Variants in SPATA17 observed in about 807,000 individuals in gnomAD.
SPATA17 encodes the protein spermatogenesis associated 17.
In SPATA17, 53 loss-of-function variants were observed where a neutral mutation model predicts 62.2. The ratio of observed to expected loss-of-function variants is 0.85; its 90% CI spans 0.68 to 1.07. The LOEUF is 1.07. Among genes scored for constraint, SPATA17 ranks in the 50% least tolerant of loss-of-function variants. The probability of loss-of-function intolerance (pLI) is 0.00; values close to 1 mark genes in which losing one functional copy is unlikely to be tolerated. For synonymous variants in SPATA17, 146 were observed against 146.8 expected, an observed-to-expected ratio of 0.99 and a Z score of 0.04; for missense variants, 466 against 425.5, an observed-to-expected ratio of 1.10 and a Z score of -0.84.
At chr1:217,824,348 A>T (rs938683740) in intron 9 of SPATA17, among the ~76,000 whole-genome samples, 13 of 151,796 alleles carry the variant, frequency 8.6e-5, no homozygotes, top group Non-Finnish European at 1.9e-4. Flanking sequence ...TGTATACTAT[A>T]TATACTTAAA....
At chr1:217,816,624 A>T (rs573865599) in intron 9 of SPATA17, among the ~76,000 whole-genome samples, 35 of 152,096 alleles carry the variant, frequency 2.3e-4, no homozygotes, top group African/African-American at 8.4e-4. Flanking sequence ...ATACATACAC[A>T]CAATTGTAAC....
At chr1:217,795,979 G>A (rs753241910) in intron 8 of SPATA17, among the ~76,000 whole-genome samples, 1 of 151,784 alleles carries the variant, frequency 6.6e-6, no homozygotes, top group African/African-American at 2.4e-5. Context: ...TGTATTTTTT[G>A]TAGAGATGGG....
chr1:217,851,639 T>C (rs555853761), intron 9 of SPATA17, among the ~76,000 whole-genome samples: 21 of 152,272 alleles, frequency 1.4e-4, no homozygotes, highest in African/African-American at 4.8e-4. Context: ...TAAAATGGTG[T>C]TGTTAGCAGA....
intron 6 of SPATA17, among the ~76,000 whole-genome samples, chr1:217,749,568 C>T (rs949004975): frequency 1.3e-5 from 2 of 152,128 alleles, no homozygotes; most frequent in Admixed American, 6.5e-5. Flanking sequence ...TCTGTTTTTG[C>T]TATCGTCTTT....
Position 217,774,317 on chromosome 1 carries a change from G to C in SPATA17, c.520-17G>C. ...GAAAATTAAAGAAAAAATCAAAATT[G>C]CTTTCTTCTTCTTTAGATTCCAGGA... On this transcript the variant is annotated splice_polypyrimidine_tract_variant and intron_variant, in intron 6 of 10. Transcript: ENST00000366933. 6.3e-7 allele frequency: 1 copy of C among 1,593,024 alleles called. No homozygotes were observed. The highest frequency in any genetic ancestry group is 8.6e-7 in the Non-Finnish European group (1 of 1,169,046).
At chr1:217,772,090 C>T (rs1458811852) in intron 6 of SPATA17, among the ~76,000 whole-genome samples, 2 of 151,906 alleles carry the variant, frequency 1.3e-5, no homozygotes, top group Non-Finnish European at 2.9e-5. Flanking sequence ...CACTTTATGT[C>T]ACAATAGTCT....
chr1:217,678,103 C>G (rs891662141), intron 4 of SPATA17, among the ~76,000 whole-genome samples: 1 of 151,526 alleles, frequency 6.6e-6, no homozygotes. Flanking sequence ...TTATGAATAA[C>G]TGAGTTCTAC....
intron 1 of SPATA17, among the ~76,000 whole-genome samples, chr1:217,645,476 T>C (rs903095171): frequency 2.6e-5 from 4 of 152,112 alleles, no homozygotes; most frequent in African/African-American, 9.7e-5. Flanking sequence ...AGCCAGTTGA[T>C]TGTTGGTGGG....
At chr1:217,668,575 T>A (rs1226976124) in intron 3 of SPATA17, among the ~76,000 whole-genome samples, 1 of 152,174 alleles carries the variant, frequency 6.6e-6, no homozygotes, top group Non-Finnish European at 1.5e-5. Flanking sequence ...TGCATCCATA[T>A]CCTTGAACGA....
intron 5 of SPATA17, among the ~76,000 whole-genome samples, chr1:217,721,419 C>T (rs907476341): frequency 1.3e-5 from 2 of 152,230 alleles, no homozygotes; most frequent in Non-Finnish European, 2.9e-5. Flanking sequence ...AGGAGTTCTG[C>T]TGGCATCTGC....
chr1:217,850,199 A>G (rs1286398809), intron 9 of SPATA17, among the ~76,000 whole-genome samples: 1 of 152,202 alleles, frequency 6.6e-6, no homozygotes, highest in Non-Finnish European at 1.5e-5. Flanking sequence ...CAACTTTTAT[A>G]GAAGGACTTT....
chr1:217,763,653 G>A (rs1401859333), intron 6 of SPATA17, among the ~76,000 whole-genome samples: 1 of 152,198 alleles, frequency 6.6e-6, no homozygotes, highest in Non-Finnish European at 1.5e-5. Context: ...ATGGGGGTAA[G>A]CACAGCAGAT....
At position 217,681,121 on chromosome 1, in the gene SPATA17, T is replaced by C. The variant is rs1448891836; in HGVS notation, c.292-2137T>C. ...ATGTGTCTGTTATCCCAGCTACTCATGAAGCTGAGGCAGGAGAATCGCTTG... is the reference window on the plus strand; with the variant it reads ...ATGTGTCTGTTATCCCAGCTACTCACGAAGCTGAGGCAGGAGAATCGCTTG... On this transcript the variant is annotated intron_variant, in intron 4 of 10. Transcript: ENST00000366933. Among the ~76,000 whole-genome samples, 3 of 145,542 alleles carry C rather than the reference T, an allele frequency of 2.1e-5. No homozygotes were observed. The East Asian group carries it at 6.4e-4, about 31-fold the overall frequency.
chr1:217,793,284 G>C (rs1674049914), intron 8 of SPATA17, among the ~76,000 whole-genome samples: 1 of 134,302 alleles, frequency 7.4e-6, no homozygotes, highest in South Asian at 2.7e-4. Flanking sequence ...GCAGTGGCAC[G>C]ATCTCGGCTC....
chr1:217,753,365 A>G (rs1672961574), intron 6 of SPATA17, among the ~76,000 whole-genome samples: 1 of 152,182 alleles, frequency 6.6e-6, no homozygotes, highest in African/African-American at 2.4e-5. Flanking sequence ...TCGGCACACC[A>G]GATTTCAAAT....
intron 3 of SPATA17, among the ~76,000 whole-genome samples, chr1:217,663,168 G>A (rs79115084): frequency 0.034 from 5,105 of 152,248 alleles, 138 homozygotes; most frequent in Middle Eastern, 0.058. Flanking sequence ...GTTCAGGACA[G>A]GTGCAGTGGC....
chr1:217,813,139 C>T (rs908291209), intron 9 of SPATA17, among the ~76,000 whole-genome samples: 2 of 152,120 alleles, frequency 1.3e-5, no homozygotes, highest in African/African-American at 2.4e-5. Context: ...TTGCTGTCTA[C>T]GGCTTTTGGA....
chr1:217,655,193 TC>T (rs1326494344), intron 3 of SPATA17, among the ~76,000 whole-genome samples: 1 of 152,232 alleles, frequency 6.6e-6, no homozygotes, highest in Non-Finnish European at 1.5e-5. Context: ...GTCTGTTTAG[TC>T]ACCTTTAATC....
At chr1:217,660,633 C>A (rs1670545671) in intron 3 of SPATA17, among the ~76,000 whole-genome samples, 1 of 152,154 alleles carries the variant, frequency 6.6e-6, no homozygotes, top group South Asian at 2.1e-4. Flanking sequence ...CACACCCAAA[C>A]TGAAGCTTTA....
Sources: allele counts gnomAD v4.1 joint callset (sites outside exome capture counted in the v4.1 genomes callset), GRCh38; gene constraint gnomAD v4.1.1; transcripts MANE v1.5; gene names NCBI Gene and HGNC (gene_info 2026-07-23, HGNC 2026-07-21).